The following SLC24A3 variants were observed in gnomAD, a reference collection of about 807,000 sequenced individuals.
The protein encoded by SLC24A3 is sodium/potassium/calcium exchanger 3.
SLC24A3 carries 28 observed loss-of-function variants against 75.8 expected under a neutral mutation model. That is an observed-to-expected ratio of 0.37 (90% CI 0.27 to 0.51). SLC24A3 has a LOEUF of 0.51. Among genes scored for constraint, SLC24A3 ranks in the 20% least tolerant of loss-of-function variants. SLC24A3 has a pLI of 0.94. For missense variants in SLC24A3, 663 were observed against 847.8 expected, an observed-to-expected ratio of 0.78 and a Z score of 2.71; for synonymous variants, 372 against 334.1, an observed-to-expected ratio of 1.11 and a Z score of -1.24.
chr20:19,654,091 G>A lies in SLC24A3; in HGVS notation c.642G>A (p.Leu214=), dbSNP rs1227682181. ...TGGCTCTTTCCTCCTGGTGCCTGCT[G>A]AGGGATTCTATTTACTACACGCTGT... The part of the protein sequence containing the change: ...QVVALSSWCL[L]RDSIYYTLSV... Residue 214 remains leucine, a synonymous_variant, in exon 7 of 17, where the codon CTG becomes CTA. Transcript: ENST00000328041. 2 of 1,613,624 alleles carry A rather than the reference G, an allele frequency of 1.2e-6. No individual in the cohort carries two copies. Among genetic ancestry groups the A allele is most frequent in the African/African-American group, 1.3e-5 (1 of 74,860 alleles).
At chr20:19,453,449 T>A (rs554380074) in intron 2 of SLC24A3, among the ~76,000 whole-genome samples, 1 of 152,302 alleles carries the variant, frequency 6.6e-6, no homozygotes, top group South Asian at 2.1e-4. Flanking sequence ...GGCTCTTTGA[T>A]GAGGAGAATG....
chr20:19,693,958 A>G (rs1568700728), intron 13 of SLC24A3: 1 of 152,660 alleles, frequency 6.6e-6, no homozygotes, highest in African/African-American at 2.4e-5. Context: ...TCACAGGGCA[A>G]AGGACATGGA....
chr20:19,321,513 A>G (rs185232345), intron 2 of SLC24A3, among the ~76,000 whole-genome samples: 1 of 152,316 alleles, frequency 6.6e-6, no homozygotes, highest in Non-Finnish European at 1.5e-5. Flanking sequence ...ACGTAACTTC[A>G]ATCTTGGAAA....
At chr20:19,594,181 G>T (rs537446833) in intron 6 of SLC24A3, among the ~76,000 whole-genome samples, 10 of 152,222 alleles carry the variant, frequency 6.6e-5, no homozygotes, top group Non-Finnish European at 1.5e-4. Context: ...TGTGCAGCAG[G>T]CAGGGAAGGC....
chr20:19,222,427 A>G (rs75717472), intron 1 of SLC24A3, among the ~76,000 whole-genome samples: 1,611 of 152,236 alleles, frequency 0.011, 47 homozygotes, highest in African/African-American at 0.037. Flanking sequence ...TATCTCTGTT[A>G]TGCTATCTAA....
At chr20:19,667,602 T>C (rs2032415007) in intron 8 of SLC24A3, among the ~76,000 whole-genome samples, 1 of 152,224 alleles carries the variant, frequency 6.6e-6, no homozygotes, top group Non-Finnish European at 1.5e-5. Context: ...TGTGCAGCTG[T>C]TGTGCAGAAA....
At chr20:19,437,820 A>T (rs1456458868) in intron 2 of SLC24A3, among the ~76,000 whole-genome samples, 1 of 152,014 alleles carries the variant, frequency 6.6e-6, no homozygotes, top group Non-Finnish European at 1.5e-5. Flanking sequence ...ATCCTCCTCC[A>T]CCCTGTTCCC....
chr20:19,518,267 A>T (rs1032104854), intron 3 of SLC24A3, among the ~76,000 whole-genome samples: 1 of 152,222 alleles, frequency 6.6e-6, no homozygotes, highest in African/African-American at 2.4e-5. Flanking sequence ...ACATCTAGAA[A>T]GCACTTTTTG....
chr20:19,502,315 G>A (rs1988396159), intron 2 of SLC24A3, among the ~76,000 whole-genome samples: 2 of 152,152 alleles, frequency 1.3e-5, no homozygotes, highest in South Asian at 2.1e-4. Flanking sequence ...GTCCGTGACT[G>A]ACTGCTGAAC....
Position 19,406,181 on chromosome 20 carries a change from GGTGTGT to G in SLC24A3, c.272-109285_272-109280del, listed in dbSNP as rs372463704. ...TAGAACATTTAGTGCTTTTAAAGAT[GGTGTGT>G]GTGTGTGTGTGTGTGTGTGTGCGTG... is the stretch of plus-strand genomic sequence containing the variant. On this transcript the variant is annotated intron_variant, in intron 2 of 16. Coordinates refer to ENST00000328041, the MANE Select transcript of SLC24A3 (RefSeq NM_020689.4). 8.0e-3 allele frequency among the ~76,000 whole-genome samples: 1,164 copies of G among 145,432 alleles called. 9 individuals carry two copies. Among genetic ancestry groups the G allele is most frequent in the African/African-American group, 0.028 (1,100 of 39,846 alleles).
At chr20:19,616,165 A>T (rs545087101) in intron 6 of SLC24A3, among the ~76,000 whole-genome samples, 112 of 152,346 alleles carry the variant, frequency 7.4e-4, no homozygotes, top group Non-Finnish European at 1.5e-3. Flanking sequence ...AATATGGTTC[A>T]TCCTGGAACC....
chr20:19,378,491 T>TG (rs2122368030), intron 2 of SLC24A3, among the ~76,000 whole-genome samples: 1 of 152,326 alleles, frequency 6.6e-6, no homozygotes, highest in East Asian at 1.9e-4. Flanking sequence ...TCCACATGGT[T>TG]GGCAATGTTT....
chr20:19,715,101 G>A (rs966990632), intron 15 of SLC24A3, among the ~76,000 whole-genome samples: 1 of 152,234 alleles, frequency 6.6e-6, no homozygotes, highest in African/African-American at 2.4e-5. Context: ...ACTGAGGATA[G>A]CTCCAAGAGC....
At chr20:19,251,608 G>C (rs550568790) in intron 1 of SLC24A3, among the ~76,000 whole-genome samples, 2 of 152,354 alleles carry the variant, frequency 1.3e-5, no homozygotes, top group South Asian at 4.1e-4. Context: ...CTGTGGAACA[G>C]GCTTCAGAAT....
intron 2 of SLC24A3, among the ~76,000 whole-genome samples, chr20:19,296,283 T>TTTTTTC (rs1190074969): frequency 1.3e-5 from 2 of 149,774 alleles, no homozygotes; most frequent in African/African-American, 4.9e-5. Flanking sequence ...TTTTTTTTTT[T>TTTTTTC]TTTCAAAAAA....
chr20:19,473,862 C>G (rs1987916223), intron 2 of SLC24A3, among the ~76,000 whole-genome samples: 1 of 152,226 alleles, frequency 6.6e-6, no homozygotes, highest in Non-Finnish European at 1.5e-5. Flanking sequence ...CAGATCAGTC[C>G]TTAATTCTGT....
intron 4 of SLC24A3, among the ~76,000 whole-genome samples, chr20:19,583,002 C>T (rs934614292): frequency 2.0e-5 from 3 of 152,146 alleles, no homozygotes; most frequent in Non-Finnish European, 2.9e-5. Flanking sequence ...TGGAACACTA[C>T]TCACCCCTCT....
At chr20:19,707,915 G>C (rs530624220) in intron 15 of SLC24A3, among the ~76,000 whole-genome samples, 1 of 152,318 alleles carries the variant, frequency 6.6e-6, no homozygotes, top group East Asian at 1.9e-4. Flanking sequence ...CAAGGTCTTG[G>C]TTGCAGATAT....
chr20:19,364,999 A>C (rs1394816138), intron 2 of SLC24A3, among the ~76,000 whole-genome samples: 2 of 152,196 alleles, frequency 1.3e-5, no homozygotes, highest in Non-Finnish European at 2.9e-5. Context: ...CATGTGGACC[A>C]CAGAGAGGGG....
Sources: allele counts gnomAD v4.1 joint callset (sites outside exome capture counted in the v4.1 genomes callset), GRCh38; gene constraint gnomAD v4.1.1; transcripts MANE v1.5; gene names NCBI Gene and HGNC (gene_info 2026-07-23, HGNC 2026-07-21).